Variants in EIF3H observed in about 807,000 individuals in gnomAD.
EIF3H encodes eIF-3-gamma.
EIF3H carries 26 observed loss-of-function variants against 44.2 expected under a neutral mutation model. The observed-to-expected ratio is 0.59, with a 90% CI of 0.43 to 0.82. The LOEUF is 0.82. EIF3H is among the 40% of genes least tolerant of loss of function. The pLI, the probability that EIF3H is intolerant of heterozygous loss-of-function variation, is 0.00. For missense variants in EIF3H, 359 were observed against 432.8 expected, an observed-to-expected ratio of 0.83 and a Z score of 1.51; for synonymous variants, 166 against 151.9, an observed-to-expected ratio of 1.09 and a Z score of -0.68.
At chr8:116,696,554 G>A (rs1203078238) in intron 2 of EIF3H, among the ~76,000 whole-genome samples, 1 of 152,158 alleles carries the variant, frequency 6.6e-6, no homozygotes. Flanking sequence ...TAATGATTGA[G>A]GTTTGAAAGA....
chr8:116,762,361 G>A (rs1197104831), intron 1 of EIF3H, among the ~76,000 whole-genome samples: 1 of 152,190 alleles, frequency 6.6e-6, no homozygotes, highest in Non-Finnish European at 1.5e-5. Context: ...CACTTTCACA[G>A]TTGCGAGCGA....
Position 116,644,999 on chromosome 8 carries a change from C to T in EIF3H, c.*7G>A. The stretch of plus-strand genomic sequence containing the variant: ...ATGTTAACTTCTTTTCTGGAAACTT[C>T]CTTTTCTTAGTTGTTGTATTCTTGA... On this transcript the variant is annotated 3_prime_UTR_variant, in exon 8 of 8. Transcript: ENST00000521861. The T allele has an allele frequency of 6.2e-7, 1 of 1,611,934 alleles. No individual in the cohort carries two copies. The highest frequency in any genetic ancestry group is 1.1e-5 in the South Asian group (1 of 90,938).
At chr8:116,752,522 G>A (rs2130990617) in intron 1 of EIF3H, among the ~76,000 whole-genome samples, 1 of 151,676 alleles carries the variant, frequency 6.6e-6, no homozygotes, top group Non-Finnish European at 1.5e-5. Flanking sequence ...GGATACACCT[G>A]AGGCCTAGAA....
intron 2 of EIF3H, among the ~76,000 whole-genome samples, chr8:116,686,681 G>T (rs1488238161): frequency 6.6e-6 from 1 of 151,808 alleles, no homozygotes; most frequent in Non-Finnish European, 1.5e-5. Flanking sequence ...GTAGGGTACA[G>T]AATTAATGCA....
At chr8:116,733,436 GC>G (rs947767644) in intron 1 of EIF3H, among the ~76,000 whole-genome samples, 1 of 152,102 alleles carries the variant, frequency 6.6e-6, no homozygotes, top group Non-Finnish European at 1.5e-5. Flanking sequence ...ATCCTGAGGG[GC>G]CTGACCTAAA....
At chr8:116,675,792 G>A (rs11988527) in intron 2 of EIF3H, among the ~76,000 whole-genome samples, 43,612 of 151,994 alleles carry the variant, frequency 0.29, 7,093 homozygotes, top group East Asian at 0.44. Flanking sequence ...CCTATTAATT[G>A]AATATTATCT....
At chr8:116,695,255 G>C (rs958493995) in intron 2 of EIF3H, among the ~76,000 whole-genome samples, 1 of 152,002 alleles carries the variant, frequency 6.6e-6, no homozygotes, top group Non-Finnish European at 1.5e-5. Context: ...TCTTAGTAGA[G>C]ATGGGGTTTC....
At chr8:116,667,653 G>C (rs917626913) in intron 2 of EIF3H, among the ~76,000 whole-genome samples, 1 of 152,146 alleles carries the variant, frequency 6.6e-6, no homozygotes, top group Non-Finnish European at 1.5e-5. Flanking sequence ...TCACTTTTTG[G>C]AGGTACTGTT....
At chr8:116,673,008 C>CAAA (rs1200483863) in intron 2 of EIF3H, among the ~76,000 whole-genome samples, 119 of 103,904 alleles carry the variant, frequency 1.1e-3, no homozygotes, top group African/African-American at 3.6e-3. Context: ...AATAAAATTA[C>CAAA]AAAAAAAAAA....
intron 7 of EIF3H, 62 bp from the exon 8 acceptor site, chr8:116,645,165 G>A: frequency 2.3e-6 from 3 of 1,321,272 alleles, no homozygotes; most frequent in African/African-American, 2.9e-5. Flanking sequence ...GATCCAGAAA[G>A]CTAGTCAAAC....
Position 116,680,212 on chromosome 8 carries a change from A to T in EIF3H, c.290-21232T>A, listed in dbSNP as rs1172673542. ...TTCCGGGAGGGTGGGGGGGGGGGTC[A>T]GCCCCCCGCCCGGCCAGCCGCCCCA... On this transcript the variant is annotated intron_variant, in intron 2 of 7. Transcript: ENST00000521861. Among the ~76,000 whole-genome samples, 134 of 37,480 alleles carry T rather than the reference A, an allele frequency of 3.6e-3. 5 individuals are homozygous for T. Among genetic ancestry groups the T allele is most frequent in the African/African-American group, 8.1e-3 (123 of 15,096 alleles). 24.6% of individuals were successfully genotyped at this position (37,480 alleles called of 152,430 possible). A position where few individuals can be genotyped will look rare whatever the true frequency, so the allele number is the denominator to read the frequency against.
chr8:116,706,707 G>T (rs1201915609), intron 2 of EIF3H, among the ~76,000 whole-genome samples: 1 of 151,390 alleles, frequency 6.6e-6, no homozygotes, highest in East Asian at 1.9e-4. Flanking sequence ...GCTAATTTTT[G>T]TATTTTTAAA....
intron 2 of EIF3H, among the ~76,000 whole-genome samples, chr8:116,688,259 T>C (rs977166912): frequency 2.0e-5 from 3 of 152,126 alleles, no homozygotes; most frequent in African/African-American, 7.2e-5. Flanking sequence ...TATTCAGACC[T>C]TAGATAAGGG....
intron 1 of EIF3H, among the ~76,000 whole-genome samples, chr8:116,748,262 T>C (rs1007709835): frequency 3.9e-5 from 6 of 152,068 alleles, no homozygotes; most frequent in Admixed American, 1.3e-4. Flanking sequence ...AAGGTAGTGA[T>C]AACATTTATC....
intron 2 of EIF3H, among the ~76,000 whole-genome samples, chr8:116,677,432 C>T (rs1813868373): frequency 1.3e-5 from 2 of 152,214 alleles, no homozygotes; most frequent in African/African-American, 2.4e-5. Context: ...TCTAATGTGG[C>T]TGGATCCCCA....
At position 116,642,613 on chromosome 8, in the gene EIF3H, CCTGT is replaced by C; in HGVS notation, c.*2389_*2392del. ...TCATTAGATTAACATGCTAGCTTTT[CCTGT>C]CTTTCTGTTCTTGGGTAAGTGAATG... On this transcript the variant is annotated 3_prime_UTR_variant, in exon 8 of 8. Coordinates refer to ENST00000521861, the MANE Select transcript of EIF3H (RefSeq NM_003756.3). 6.6e-6 allele frequency: 1 copy of C among 152,182 alleles called. No individual in the cohort carries two copies. The highest frequency in any genetic ancestry group is 2.4e-5 in the African/African-American group (1 of 41,490). The allele number at this position is 152,182 out of a possible 1,614,324, so 9.4% of individuals were successfully genotyped here. A position where few individuals can be genotyped will look rare whatever the true frequency, so the allele number is the denominator to read the frequency against.
chr8:116,693,003 G>T (rs566762089), intron 2 of EIF3H, among the ~76,000 whole-genome samples: 1 of 152,250 alleles, frequency 6.6e-6, no homozygotes, highest in South Asian at 2.1e-4. Flanking sequence ...ATATGCCAAA[G>T]TAACTTACTT....
intron 2 of EIF3H, among the ~76,000 whole-genome samples, chr8:116,713,823 A>C (rs1300778076): frequency 1.3e-5 from 2 of 152,116 alleles, no homozygotes; most frequent in Non-Finnish European, 2.9e-5. Context: ...ACATTTTCAA[A>C]ATACTACGTA....
intron 2 of EIF3H, among the ~76,000 whole-genome samples, chr8:116,721,352 C>T (rs893476777): frequency 6.6e-6 from 1 of 152,184 alleles, no homozygotes; most frequent in African/African-American, 2.4e-5. Flanking sequence ...AGAGGATGTA[C>T]GGAAATGCCT....
Sources: allele counts gnomAD v4.1 joint callset (sites outside exome capture counted in the v4.1 genomes callset), GRCh38; gene constraint gnomAD v4.1.1; transcripts MANE v1.5; gene names NCBI Gene and HGNC (gene_info 2026-07-23, HGNC 2026-07-21).